The following TEX9 variants were observed in gnomAD, a reference collection of about 807,000 sequenced individuals.
TEX9 encodes the protein testis expressed 9, also known as testis-expressed protein 9.
In TEX9, 74 loss-of-function variants were observed where a neutral mutation model predicts 59.6. The ratio of observed to expected loss-of-function variants is 1.24; its 90% confidence interval spans 1.03 to 1.51. The LOEUF (loss-of-function observed/expected upper bound fraction) is 1.51, where lower values mean the gene tolerates loss of function less well. Ranked by LOEUF, TEX9 falls within the 40% of genes most tolerant of loss-of-function variation. The pLI, the probability that TEX9 is intolerant of heterozygous loss-of-function variation, is 0.00. For synonymous variants in TEX9, 186 were observed against 152.2 expected (o/e 1.22, Z -1.64); for missense variants, 522 against 447.8 (o/e 1.17, Z -1.49).
At chr15:56,457,562 C>G in the TEX9 span, among the ~76,000 whole-genome samples, 2 of 152,132 alleles carry the variant, frequency 1.3e-5, 1 homozygote, top group African/African-American at 4.8e-5. Context: ...GTGGCTTACA[C>G]GTGTAATCCC....
chr15:56,363,367 C>T (rs1187221947), upstream of TEX9, among the ~76,000 whole-genome samples: 3 of 151,608 alleles, frequency 2.0e-5, no homozygotes, highest in Non-Finnish European at 1.5e-5. Context: ...CAGCATTTCA[C>T]CATGTTGGCC....
chr15:56,424,623 A>T (rs1485463360), intron 10 of TEX9, among the ~76,000 whole-genome samples: 2 of 152,148 alleles, frequency 1.3e-5, no homozygotes, highest in African/African-American at 4.8e-5. Flanking sequence ...AATCGTATAT[A>T]AAGACTCTAC....
intron 1 of TEX9, among the ~76,000 whole-genome samples, chr15:56,284,476 TA>T (rs144984403): frequency 0.011 from 1,608 of 152,224 alleles, 31 homozygotes; most frequent in African/African-American, 0.037. Context: ...TGATAGCATG[TA>T]AAAATGCCTG....
chr15:56,309,693 G>GTTTGTTT (rs1290352080), intron 1 of TEX9, among the ~76,000 whole-genome samples: 1 of 60,772 alleles, frequency 1.6e-5, no homozygotes, highest in Non-Finnish European at 2.8e-5. Flanking sequence ...TTTATGGGAA[G>GTTTGTTT]TTTTTTTTTT....
chr15:56,438,227 T>C (rs1344654875), intron 12 of TEX9, among the ~76,000 whole-genome samples: 4 of 152,146 alleles, frequency 2.6e-5, no homozygotes, highest in African/African-American at 4.8e-5. Flanking sequence ...ACTACAAGGC[T>C]ACAGTAACCA....
chr15:56,261,922 C>T (rs2044278717), intron 1 of TEX9, among the ~76,000 whole-genome samples: 1 of 152,142 alleles, frequency 6.6e-6, no homozygotes, highest in South Asian at 2.1e-4. Flanking sequence ...CACTGGATGC[C>T]AGAGAAGTTG....
At chr15:56,316,778 A>G (rs1311812625) in intron 1 of TEX9, among the ~76,000 whole-genome samples, 1 of 152,004 alleles carries the variant, frequency 6.6e-6, no homozygotes, top group Non-Finnish European at 1.5e-5. Context: ...TTGATCTCAG[A>G]CTGCTGTGCT....
chr15:56,419,826 T>A (rs938260943), intron 10 of TEX9, among the ~76,000 whole-genome samples: 2 of 151,908 alleles, frequency 1.3e-5, no homozygotes, highest in Non-Finnish European at 2.9e-5. Context: ...AACTTTCAGA[T>A]AAGTTTTTGT....
At chr15:56,317,651 T>C (rs1400144244) in intron 1 of TEX9, among the ~76,000 whole-genome samples, 2 of 152,184 alleles carry the variant, frequency 1.3e-5, no homozygotes, top group Non-Finnish European at 2.9e-5. Context: ...TTTTTAAATA[T>C]AGGCCTTTAT....
intron 12 of TEX9, among the ~76,000 whole-genome samples, chr15:56,439,251 C>G (rs538756191): frequency 6.6e-6 from 1 of 152,122 alleles, no homozygotes; most frequent in East Asian, 1.9e-4. Flanking sequence ...CTAGAGAATC[C>G]TGATGAAAAA....
At chr15:56,369,444 C>T (rs1225280102) in intron 2 of TEX9, among the ~76,000 whole-genome samples, 1 of 151,822 alleles carries the variant, frequency 6.6e-6, no homozygotes, top group Non-Finnish European at 1.5e-5. Context: ...ACCTTCATCT[C>T]CCAGGCTCCT....
chr15:56,365,414 C>A, upstream of TEX9: 1 of 1,599,574 alleles, frequency 6.3e-7, no homozygotes, highest in South Asian at 1.1e-5. Context: ...CGGGAAGATG[C>A]GTCGTTGCCT....
At chr15:56,398,429 T>G (rs2048587510) in intron 9 of TEX9, 1 of 152,186 alleles carries the variant, frequency 6.6e-6, no homozygotes, top group South Asian at 2.1e-4. Context: ...TATATATAAT[T>G]GGTCTAAAGG....
At chr15:56,313,475 AG>A (rs2045675693) in intron 1 of TEX9, among the ~76,000 whole-genome samples, 1 of 146,776 alleles carries the variant, frequency 6.8e-6, no homozygotes, top group African/African-American at 2.5e-5. Flanking sequence ...ATATTGAACC[AG>A]CCTTGCATCC....
intron 1 of TEX9, among the ~76,000 whole-genome samples, chr15:56,270,909 G>T (rs2044513241): frequency 6.6e-6 from 1 of 152,172 alleles, no homozygotes; most frequent in Non-Finnish European, 1.5e-5. Context: ...AATTTGGCTG[G>T]ATATGAAATT....
At chr15:56,312,462 C>T (rs1430430246) in intron 1 of TEX9, among the ~76,000 whole-genome samples, 9 of 146,644 alleles carry the variant, frequency 6.1e-5, no homozygotes, top group Non-Finnish European at 9.1e-5. Flanking sequence ...TGTAGATATG[C>T]GGCATTATTT....
intron 1 of TEX9, among the ~76,000 whole-genome samples, chr15:56,295,083 A>G (rs1246545567): frequency 6.6e-6 from 1 of 152,222 alleles, no homozygotes; most frequent in East Asian, 1.9e-4. Context: ...TATATTTTTA[A>G]TTCTATAATA....
chr15:56,423,151 T>C (rs1161307594), intron 10 of TEX9, among the ~76,000 whole-genome samples: 3 of 152,212 alleles, frequency 2.0e-5, no homozygotes, highest in African/African-American at 7.2e-5. Context: ...AGTGAAATGC[T>C]AGTTCCTTGA....
At chr15:56,413,246 T>A (rs949590558) in intron 10 of TEX9, among the ~76,000 whole-genome samples, 5 of 144,412 alleles carry the variant, frequency 3.5e-5, no homozygotes, top group Non-Finnish European at 6.0e-5. Flanking sequence ...ACTTAAATAA[T>A]TTAATTTATT....
Sources: allele counts gnomAD v4.1 joint callset (sites outside exome capture counted in the v4.1 genomes callset), GRCh38; gene constraint gnomAD v4.1.1; transcripts MANE v1.5; gene names NCBI Gene and HGNC (gene_info 2026-07-23, HGNC 2026-07-21).